The following FMN1 variants were observed in gnomAD, a reference collection of about 807,000 sequenced individuals.
FMN1 encodes formin-1.
FMN1 carries 110 observed loss-of-function variants against 132.4 expected under a neutral mutation model. That is an observed-to-expected ratio of 0.83 (90% CI 0.71 to 0.97). The LOEUF (loss-of-function observed/expected upper bound fraction) is 0.97, where lower values mean the gene tolerates loss of function less well. FMN1 is among the 50% of genes least tolerant of loss of function. The pLI is 0.00. For synonymous variants in FMN1, 722 were observed against 651.7 expected, an observed-to-expected ratio of 1.11 and a Z score of -1.64; for missense variants, 1,792 against 1,705.3, an observed-to-expected ratio of 1.05 and a Z score of -0.90.
Position 32,803,551 on chromosome 15 carries a change from A to G in FMN1, c.3980+730T>C, listed in dbSNP as rs186464075. Among the ~76,000 whole-genome samples the G allele has an allele frequency of 5.8e-4, 88 of 152,238 alleles. 1 individual carries two copies. The highest frequency in any genetic ancestry group is 3.1e-4 in the Non-Finnish European group (21 of 68,006). ...CAGAAGATCTCTGAGGTGTTCCCCA[A>G]CTTCTGGGGGAAATTGTCCATACGC... On this transcript the variant is annotated intron_variant, in intron 18 of 20. Transcript: ENST00000616417.
intron 15 of FMN1, among the ~76,000 whole-genome samples, chr15:32,893,309 A>G (rs995306056): frequency 6.6e-6 from 1 of 152,270 alleles, no homozygotes; most frequent in Non-Finnish European, 1.5e-5. Flanking sequence ...GGAAGAACTC[A>G]GGCATAGTAT....
At chr15:32,940,454 C>A (rs532893813) in intron 9 of FMN1, among the ~76,000 whole-genome samples, 1 of 150,526 alleles carries the variant, frequency 6.6e-6, no homozygotes, top group South Asian at 2.1e-4. Context: ...AGTTCAAAGA[C>A]TAGTTTAAAG....
chr15:32,954,904 C>A (rs2061730923), intron 9 of FMN1, among the ~76,000 whole-genome samples: 1 of 152,110 alleles, frequency 6.6e-6, no homozygotes, highest in African/African-American at 2.4e-5. Flanking sequence ...ACTCTGGAGG[C>A]TGAGGCATGA....
At chr15:32,806,807 G>A (rs1252738003) in intron 17 of FMN1, among the ~76,000 whole-genome samples, 1 of 152,190 alleles carries the variant, frequency 6.6e-6, no homozygotes, top group Non-Finnish European at 1.5e-5. Context: ...GGTCTCAGCA[G>A]AAGTATCTCC....
At chr15:33,109,196 C>T (rs1310410871) in intron 4 of FMN1, among the ~76,000 whole-genome samples, 1 of 151,994 alleles carries the variant, frequency 6.6e-6, no homozygotes, top group African/African-American at 2.4e-5. Context: ...ATTAAATTAA[C>T]GAATGTCTTT....
intron 6 of FMN1, chr15:33,062,826 C>CT (rs1309889214): frequency 2.0e-5 from 3 of 152,058 alleles, no homozygotes; most frequent in Non-Finnish European, 4.4e-5. Context: ...CATTTAAAAC[C>CT]TTATGAGAGA....
chr15:33,006,797 A>T (rs1250471524), intron 7 of FMN1, among the ~76,000 whole-genome samples: 1 of 152,194 alleles, frequency 6.6e-6, no homozygotes, highest in African/African-American at 2.4e-5. Flanking sequence ...GCACAGAAAG[A>T]CATGGCATGA....
chr15:33,120,007 G>A (rs949344918), intron 4 of FMN1, among the ~76,000 whole-genome samples: 3 of 152,110 alleles, frequency 2.0e-5, no homozygotes, highest in Admixed American at 6.5e-5. Flanking sequence ...CGATGGTAAG[G>A]ATTATTATTA....
At chr15:33,044,237 C>T (rs1352765774) in intron 6 of FMN1, among the ~76,000 whole-genome samples, 1 of 152,200 alleles carries the variant, frequency 6.6e-6, no homozygotes, top group Non-Finnish European at 1.5e-5. Context: ...GGCACAAACA[C>T]TCTAGGTTCC....
rs548371221 is a variant in FMN1 at position 32,909,180 on chromosome 15, C to CA, written c.3289-603dup. 3.7e-3 allele frequency among the ~76,000 whole-genome samples: 557 copies of CA among 152,282 alleles called. 1 individual carries two copies. The highest frequency in any genetic ancestry group is 5.8e-3 in the Non-Finnish European group (393 of 68,018). The stretch of plus-strand genomic sequence containing the variant: ...GTGCTTAGTCCTGAGCTCATGGTAA[C>CA]AACACAAAGCATCTGGAAGGTACTG... On this transcript the variant is annotated intron_variant, in intron 11 of 20. Transcript: ENST00000616417.
At chr15:32,852,776 A>C (rs906340840) in intron 17 of FMN1, among the ~76,000 whole-genome samples, 1 of 152,232 alleles carries the variant, frequency 6.6e-6, no homozygotes, top group Non-Finnish European at 1.5e-5. Flanking sequence ...AAAACAATGC[A>C]AACAAATCCA....
intron 9 of FMN1, among the ~76,000 whole-genome samples, chr15:32,952,316 T>C (rs2061671662): frequency 6.6e-6 from 1 of 152,218 alleles, no homozygotes; most frequent in Non-Finnish European, 1.5e-5. Flanking sequence ...CAACGTCTCA[T>C]TTTTTCCATT....
At chr15:32,852,548 G>A (rs984760604) in intron 17 of FMN1, among the ~76,000 whole-genome samples, 2 of 152,006 alleles carry the variant, frequency 1.3e-5, no homozygotes, top group African/African-American at 2.4e-5. Flanking sequence ...ACTAATTTTT[G>A]GAGAGATGGG....
At position 32,969,167 on chromosome 15, in the gene FMN1, T is replaced by C. The variant is rs1399299745; in HGVS notation, c.2534A>G (p.Asn845Ser). 6.2e-7 allele frequency: 1 copy of C among 1,613,826 alleles called. No homozygotes were observed. Among genetic ancestry groups the C allele is most frequent in the Admixed American group, 1.7e-5 (1 of 60,008 alleles). Residue 845 changes from asparagine (N) to serine (S), a missense_variant, in exon 8 of 21, where the codon AAT (asparagine) becomes AGT (serine). Physicochemically the swap from Asn to Ser is conservative, Grantham distance 46. Transcript: ENST00000616417. ...TGCTGCATGGATGTCTTTGTGGTCA[T>C]TTGGGGGTGAGAGCTGGCTTAAAGA... ...ISSLSQLSPPNDHKDIHAALQ... is the reference protein window; with the variant it reads ...ISSLSQLSPPSDHKDIHAALQ...
At chr15:33,004,985 A>G (rs1312142862) in intron 7 of FMN1, among the ~76,000 whole-genome samples, 5 of 152,180 alleles carry the variant, frequency 3.3e-5, no homozygotes, top group Non-Finnish European at 7.3e-5. Flanking sequence ...TGGGACTTGA[A>G]CAATGAGAAC....
At chr15:32,974,534 A>C (rs1296412137) in intron 7 of FMN1, among the ~76,000 whole-genome samples, 1 of 152,144 alleles carries the variant, frequency 6.6e-6, no homozygotes, top group Non-Finnish European at 1.5e-5. Context: ...CTTTCTAATA[A>C]AGTGGTTCTC....
intron 16 of FMN1, among the ~76,000 whole-genome samples, chr15:32,886,380 G>C (rs1418664414): frequency 2.0e-5 from 3 of 152,162 alleles, no homozygotes; most frequent in Non-Finnish European, 4.4e-5. Flanking sequence ...CGCTCTACCT[G>C]CTTCAAAAGC....
At chr15:33,019,021 C>A (rs569221565) in intron 6 of FMN1, among the ~76,000 whole-genome samples, 14 of 152,294 alleles carry the variant, frequency 9.2e-5, no homozygotes, top group Admixed American at 2.6e-4. Context: ...ACAAAGCTTC[C>A]ACCATGCGGA....
At chr15:32,864,150 G>A (rs1044521124) in intron 16 of FMN1, among the ~76,000 whole-genome samples, 2 of 152,154 alleles carry the variant, frequency 1.3e-5, no homozygotes, top group African/African-American at 4.8e-5. Context: ...GCCACACAAA[G>A]GGAGGTTTCA....
Sources: gnomAD v4.1 joint callset for allele counts (sites outside exome capture counted in the v4.1 genomes callset) on GRCh38, gnomAD v4.1.1 for gene constraint, MANE v1.5 for transcripts, NCBI Gene and HGNC (gene_info 2026-07-23, HGNC 2026-07-21) for gene names.